INPP4B: variants seen among roughly 807,000 people sequenced by gnomAD.
The protein encoded by INPP4B is inositol polyphosphate-4-phosphatase type II B, also known as inositol polyphosphate 4-phosphatase type II.
Under a neutral mutation model 122.5 loss-of-function variants are expected in INPP4B, and 55 were observed. The observed-to-expected ratio is 0.45, with a 90% CI of 0.36 to 0.56. The LOEUF (loss-of-function observed/expected upper bound fraction) is 0.56, where lower values mean the gene tolerates loss of function less well. Among genes scored for constraint, INPP4B ranks in the 20% least tolerant of loss-of-function variants. The pLI is 0.00. For synonymous variants in INPP4B, 403 were observed against 388.7 expected, an observed-to-expected ratio of 1.04 and a Z score of -0.43; for missense variants, 1,000 against 1,097.7, an observed-to-expected ratio of 0.91 and a Z score of 1.26.
intron 17 of INPP4B, among the ~76,000 whole-genome samples, chr4:142,149,986 A>G (rs1812935528): frequency 6.6e-6 from 1 of 152,234 alleles, no homozygotes; most frequent in African/African-American, 2.4e-5. Flanking sequence ...AGAGAAGGGT[A>G]AGAAAGATTT....
At chr4:142,550,522 A>T (rs1272084862) in intron 2 of INPP4B, among the ~76,000 whole-genome samples, 1 of 151,332 alleles carries the variant, frequency 6.6e-6, no homozygotes, top group African/African-American at 2.4e-5. Context: ...CCAGAATAGA[A>T]ATTCTTTTCA....
At chr4:142,357,130 G>GT (rs1783872356) in intron 7 of INPP4B, among the ~76,000 whole-genome samples, 1 of 151,998 alleles carries the variant, frequency 6.6e-6, no homozygotes, top group Non-Finnish European at 1.5e-5. Context: ...ATTAGCAATA[G>GT]TAAGTAGAAT....
intron 18 of INPP4B, among the ~76,000 whole-genome samples, chr4:142,145,282 C>T: frequency 6.6e-6 from 1 of 152,252 alleles, no homozygotes; most frequent in East Asian, 1.9e-4. Flanking sequence ...CATGTATACA[C>T]ATGTGTGCAT....
At chr4:142,330,320 T>A (rs192507635) in intron 7 of INPP4B, among the ~76,000 whole-genome samples, 2 of 152,352 alleles carry the variant, frequency 1.3e-5, no homozygotes, top group African/African-American at 4.8e-5. Flanking sequence ...TATCTGGGTA[T>A]AATTTTGGAT....
chr4:142,336,331 C>A (rs1776572705), intron 7 of INPP4B, among the ~76,000 whole-genome samples: 1 of 152,144 alleles, frequency 6.6e-6, no homozygotes, highest in Non-Finnish European at 1.5e-5. Context: ...CCGCTGGGGG[C>A]CACACACCTC....
chr4:142,118,110 A>G (rs2152732664), intron 21 of INPP4B, among the ~76,000 whole-genome samples: 1 of 152,338 alleles, frequency 6.6e-6, no homozygotes, highest in Non-Finnish European at 1.5e-5. Flanking sequence ...CTCTGCAAGG[A>G]GAACTACAAA....
In INPP4B at chr4:142,160,358, C is replaced by A; in HGVS notation, c.1563G>T (p.Trp521Cys). Residue 521 changes from tryptophan to cysteine, a missense_variant and splice_region_variant, in exon 17 of 26, where the codon TGG (tryptophan) becomes TGT (cysteine). Coordinates refer to ENST00000262992, the MANE Select transcript of INPP4B (RefSeq NM_001101669.3). ...GGCAAGCGATATACAAGAGACTTAC[C>A]CACTCTTCCTCATCATAGTCTGAAT... ...PHHSDYDEEE[W>C]DRVWANVGKS... 2 of 1,504,314 alleles carry A rather than the reference C, an allele frequency of 1.3e-6. No homozygotes were observed. The highest frequency in any genetic ancestry group is 1.8e-6 in the Non-Finnish European group (2 of 1,109,436). The allele number at this position is 1,504,314 out of a possible 1,614,324, so 93.2% of individuals were successfully genotyped here.
intron 1 of INPP4B, among the ~76,000 whole-genome samples, chr4:142,749,930 A>G (rs1285494701): frequency 6.6e-6 from 1 of 152,016 alleles, no homozygotes; most frequent in Non-Finnish European, 1.5e-5. Context: ...ATGAAAAATA[A>G]TTACTACTAG....
At chr4:142,047,023 C>A (rs563285241) in intron 25 of INPP4B, among the ~76,000 whole-genome samples, 3 of 152,022 alleles carry the variant, frequency 2.0e-5, no homozygotes, top group Non-Finnish European at 2.9e-5. Flanking sequence ...CTCTCTCTCT[C>A]TCTTTTTATA....
intron 3 of INPP4B, among the ~76,000 whole-genome samples, chr4:142,443,375 G>C (rs1812236694): frequency 1.3e-5 from 2 of 152,066 alleles, no homozygotes; most frequent in Non-Finnish European, 2.9e-5. Flanking sequence ...AAAGTACAAA[G>C]ACCCACTTGG....
chr4:142,208,857 G>T, intron 13 of INPP4B, 39 bp downstream of exon 13: 4 of 1,396,378 alleles, frequency 2.9e-6, no homozygotes, highest in Non-Finnish European at 3.8e-6. Flanking sequence ...TGCAGGAAAT[G>T]CAATTCACTT....
At chr4:142,344,638 C>T (rs2635422) in intron 7 of INPP4B, among the ~76,000 whole-genome samples, 43,814 of 151,714 alleles carry the variant, frequency 0.29, 7,437 homozygotes, top group Non-Finnish European at 0.39. Flanking sequence ...AAATGCTAAT[C>T]GTTTTTCTTT....
chr4:142,405,724 A>G (rs990457919), intron 5 of INPP4B, among the ~76,000 whole-genome samples: 1 of 152,134 alleles, frequency 6.6e-6, no homozygotes, highest in South Asian at 2.1e-4. Context: ...CCTTATTGAC[A>G]TGGGTTGGAT....
chr4:142,304,177 C>G (rs3775693), intron 9 of INPP4B, among the ~76,000 whole-genome samples: 30,632 of 151,892 alleles, frequency 0.2, 3,874 homozygotes, highest in African/African-American at 0.35. Context: ...ATATGGGTCA[C>G]ATTCAATAGT....
chr4:142,660,911 C>G (rs1022927692), intron 2 of INPP4B: 1 of 152,392 alleles, frequency 6.6e-6, no homozygotes, highest in African/African-American at 2.4e-5. Context: ...CAGCAGGAAG[C>G]GGTTAAGATC....
intron 2 of INPP4B, among the ~76,000 whole-genome samples, chr4:142,661,981 C>T (rs1427320639): frequency 6.6e-6 from 1 of 151,930 alleles, no homozygotes; most frequent in Non-Finnish European, 1.5e-5. Context: ...CGCCTGTAAT[C>T]CCAGCACGTT....
At chr4:142,813,017 G>A (rs1223854246) in intron 1 of INPP4B, among the ~76,000 whole-genome samples, 1 of 152,100 alleles carries the variant, frequency 6.6e-6, no homozygotes, top group East Asian at 1.9e-4. Context: ...CCCTGCCTCA[G>A]CTTCTCATGT....
chr4:142,740,437 AC>A (rs1767736653), intron 1 of INPP4B, among the ~76,000 whole-genome samples: 1 of 152,034 alleles, frequency 6.6e-6, no homozygotes, highest in Non-Finnish European at 1.5e-5. Flanking sequence ...CAACAAACAT[AC>A]TTTAAAAAGC....
At chr4:142,626,512 A>G (rs562829176) in intron 2 of INPP4B, among the ~76,000 whole-genome samples, 21 of 152,030 alleles carry the variant, frequency 1.4e-4, no homozygotes, top group South Asian at 2.1e-4. Context: ...TTCTACAATC[A>G]TAAGTAACTG....
Sources: gnomAD v4.1 joint callset for allele counts (sites outside exome capture counted in the v4.1 genomes callset) on GRCh38, gnomAD v4.1.1 for gene constraint, MANE v1.5 for transcripts, NCBI Gene and HGNC (gene_info 2026-07-23, HGNC 2026-07-21) for gene names.